Variants in ULK4 observed in about 807,000 individuals in gnomAD.
ULK4 encodes inactive serine/threonine-protein kinase ULK4.
A neutral mutation model predicts 160.6 loss-of-function variants in ULK4; 133 were observed. That is an observed-to-expected ratio of 0.83 (90% CI 0.72 to 0.96). The LOEUF (loss-of-function observed/expected upper bound fraction) is 0.96. Ranked by LOEUF, ULK4 falls within the 40% of genes least tolerant of loss-of-function variation. The pLI, the probability that ULK4 is intolerant of heterozygous loss-of-function variation, is 0.00. For synonymous variants in ULK4, 534 were observed against 539.8 expected, an observed-to-expected ratio of 0.99 and a Z score of 0.15; for missense variants, 1,580 against 1,499.5, an observed-to-expected ratio of 1.05 and a Z score of -0.89.
intron 17 of ULK4, among the ~76,000 whole-genome samples, chr3:41,861,620 G>A (rs1036295915): frequency 6.6e-6 from 1 of 151,926 alleles, no homozygotes; most frequent in Non-Finnish European, 1.5e-5. Context: ...ATGCTTTGAG[G>A]TTGTCTTCTT....
At chr3:41,790,463 T>G (rs1195750736) in intron 20 of ULK4, among the ~76,000 whole-genome samples, 1 of 152,190 alleles carries the variant, frequency 6.6e-6, no homozygotes, top group African/African-American at 2.4e-5. Context: ...AATCAGCTAA[T>G]AGAATGTATT....
chr3:41,871,999 T>C (rs1697112805), intron 17 of ULK4, among the ~76,000 whole-genome samples: 1 of 152,224 alleles, frequency 6.6e-6, no homozygotes, highest in Non-Finnish European at 1.5e-5. Flanking sequence ...TACAGAGTAC[T>C]GAGTTGTGTT....
chr3:41,804,267 G>C lies in ULK4; in HGVS notation c.1849-3974C>G, dbSNP rs569305038. On this transcript the variant is annotated intron_variant, in intron 19 of 36. Coordinates refer to ENST00000301831, the MANE Select transcript of ULK4 (RefSeq NM_017886.4). ...GTGAGCATTTTTTCATGTGTTTTTT[G>C]CCTGCATAAATGTCTTCTTTTGAGA... Among the ~76,000 whole-genome samples, 222 of 152,212 alleles carry C rather than the reference G, an allele frequency of 1.5e-3. 3 individuals carry two copies. In the East Asian group the frequency reaches 0.037, roughly 26 times the overall value.
chr3:41,523,866 G>A (rs947797045), intron 32 of ULK4, among the ~76,000 whole-genome samples: 2 of 152,028 alleles, frequency 1.3e-5, no homozygotes, highest in Non-Finnish European at 2.9e-5. Flanking sequence ...GCCAGAAGTG[G>A]AAACAACCTA....
intron 34 of ULK4, among the ~76,000 whole-genome samples, chr3:41,427,272 T>C (rs1423972753): frequency 1.3e-5 from 2 of 152,070 alleles, no homozygotes; most frequent in Non-Finnish European, 2.9e-5. Flanking sequence ...CAGTAATAAA[T>C]AGCCTACCAA....
At chr3:41,832,555 T>C (rs560376979) in intron 18 of ULK4, among the ~76,000 whole-genome samples, 6 of 152,258 alleles carry the variant, frequency 3.9e-5, no homozygotes, top group Non-Finnish European at 5.9e-5. Context: ...TAGATCCCAT[T>C]TGTCAATTTT....
At position 41,359,094 on chromosome 3, in the gene ULK4, C is replaced by T. The variant is rs369692615; in HGVS notation, c.3678+38985G>A. Reference sequence around the variant, plus strand: ...AGGCCTCTGCTCAGAGTTCACCCTACTGAAGAAGCAGGACTTGCTGATGCA... The same window carrying T: ...AGGCCTCTGCTCAGAGTTCACCCTATTGAAGAAGCAGGACTTGCTGATGCA... On this transcript the variant is annotated intron_variant, in intron 35 of 36. Transcript: ENST00000301831. Among the ~76,000 whole-genome samples the T allele has an allele frequency of 3.3e-5, 5 of 152,288 alleles. No individual in the cohort carries two copies. In the East Asian group the frequency reaches 5.8e-4, roughly 18 times the overall value.
intron 31 of ULK4, among the ~76,000 whole-genome samples, chr3:41,567,879 A>C (rs1433743647): frequency 6.6e-6 from 1 of 152,236 alleles, no homozygotes; most frequent in East Asian, 1.9e-4. Context: ...TTTCAAAGAT[A>C]GTACAGAGAG....
intron 35 of ULK4, among the ~76,000 whole-genome samples, chr3:41,340,908 T>C (rs541242372): frequency 6.6e-6 from 1 of 152,276 alleles, no homozygotes; most frequent in East Asian, 1.9e-4. Context: ...GGGGTTGGGG[T>C]GGACACACAG....
chr3:41,855,005 T>C (rs2042301519), intron 17 of ULK4: 2 of 142,174 alleles, frequency 1.4e-5, no homozygotes, highest in African/African-American at 2.5e-5. Context: ...TAACAATGCA[T>C]ACGTCATCTC....
intron 32 of ULK4, among the ~76,000 whole-genome samples, chr3:41,542,745 T>C (rs140572482): frequency 1.4e-4 from 22 of 152,290 alleles, no homozygotes; most frequent in African/African-American, 5.3e-4. Flanking sequence ...TGGTTTCGAC[T>C]TGGGAGGTTG....
At chr3:41,763,741 G>A (rs55748698) in intron 21 of ULK4, among the ~76,000 whole-genome samples, 18,831 of 152,206 alleles carry the variant, frequency 0.12, 1,345 homozygotes, top group Middle Eastern at 0.27. Context: ...GCTCCAATAA[G>A]AGGTAAGCAT....
intron 22 of ULK4, among the ~76,000 whole-genome samples, chr3:41,721,279 T>TTTTTTTTTTG (rs67078043): frequency 1.0e-5 from 1 of 98,922 alleles, no homozygotes; most frequent in Non-Finnish European, 2.0e-5. Flanking sequence ...TTTTTTTTTT[T>TTTTTTTTTTG]TTTTTGGGTT....
chr3:41,684,345 C>G (rs1460248893), intron 27 of ULK4, among the ~76,000 whole-genome samples: 1 of 152,230 alleles, frequency 6.6e-6, no homozygotes, highest in Non-Finnish European at 1.5e-5. Flanking sequence ...CCCCTATAAG[C>G]CTGCTGTTTG....
chr3:41,446,017 C>T (rs957383184), intron 34 of ULK4, among the ~76,000 whole-genome samples: 65 of 152,038 alleles, frequency 4.3e-4, no homozygotes, highest in Non-Finnish European at 7.4e-4. Flanking sequence ...TGAACTCAAA[C>T]AAATTTACAA....
At chr3:41,641,871 CTTTTTTT>C (rs1216590151) in intron 30 of ULK4, among the ~76,000 whole-genome samples, 1 of 138,476 alleles carries the variant, frequency 7.2e-6, no homozygotes, top group Non-Finnish European at 1.6e-5. Flanking sequence ...CAATTAATAC[CTTTTTTT>C]TTTTTTTTTT....
intron 35 of ULK4, among the ~76,000 whole-genome samples, chr3:41,328,802 T>C (rs765196939): frequency 2.0e-5 from 3 of 151,780 alleles, no homozygotes; most frequent in Non-Finnish European, 2.9e-5. Flanking sequence ...CCCCACGGAG[T>C]GGGGTGGGCA....
intron 35 of ULK4, among the ~76,000 whole-genome samples, chr3:41,377,387 C>T (rs2081528693): frequency 6.6e-6 from 1 of 151,146 alleles, no homozygotes; most frequent in Admixed American, 6.6e-5. Flanking sequence ...TCTAATTAAA[C>T]TAAAGAGCTT....
At chr3:41,645,149 T>C (rs991669870) in intron 30 of ULK4, among the ~76,000 whole-genome samples, 5 of 151,756 alleles carry the variant, frequency 3.3e-5, no homozygotes, top group African/African-American at 1.2e-4. Context: ...AACCAGCTCC[T>C]GGATTCATTA....
Sources: allele counts gnomAD v4.1 joint callset (sites outside exome capture counted in the v4.1 genomes callset), GRCh38; gene constraint gnomAD v4.1.1; transcripts MANE v1.5; gene names NCBI Gene and HGNC (gene_info 2026-07-23, HGNC 2026-07-21).